GGTA1: variants seen among roughly 807,000 people sequenced by gnomAD.
The protein encoded by GGTA1 is glycoprotein alpha-galactosyltransferase 1 (inactive).
GGTA1 carries 5 observed loss-of-function variants against 2.6 expected under a neutral mutation model. That is an observed-to-expected ratio of 1.92 (90% confidence interval 1.00 to 4.04). The LOEUF (loss-of-function observed/expected upper bound fraction) is 4.04, where lower values mean the gene tolerates loss of function less well. Ranked by LOEUF, GGTA1 falls within the 30% of genes most tolerant of loss-of-function variation. GGTA1 has a pLI of 0.00. For synonymous variants in GGTA1, 17 were observed against 5.0 expected (o/e 3.38, Z -3.19); for missense variants, 50 against 16.7 (o/e 2.99, Z -3.47).
intron 1 of GGTA1, among the ~76,000 whole-genome samples, chr9:121,470,629 T>C (rs765006848): frequency 1.3e-5 from 2 of 152,236 alleles, no homozygotes; most frequent in Non-Finnish European, 2.9e-5. Context: ...GTGAAAGACA[T>C]CAGACCTAAC....
chr9:121,480,061 C>CTTTTCTTTTCTTTTCTTTTTTTTTTTTTT (rs58602847), intron 1 of GGTA1, among the ~76,000 whole-genome samples: 1 of 139,828 alleles, frequency 7.2e-6, no homozygotes, highest in Non-Finnish European at 1.5e-5. Flanking sequence ...CTTTTCTTTT[C>CTTTTCTTTTCTTTTCTTTTTTTTTTTTTT]TTTTTTTTTT....
At chr9:121,459,969 T>C (rs951915562) in intron 5 of GGTA1, 135 bp downstream of exon 5, 3 of 373,258 alleles carry the variant, frequency 8.0e-6, no homozygotes, top group African/African-American at 4.3e-5. Flanking sequence ...ATATGTCTAC[T>C]GTTAAAGGTC....
chr9:121,487,647 C>A (rs1363802423), intron 1 of GGTA1, among the ~76,000 whole-genome samples: 5 of 152,014 alleles, frequency 3.3e-5, no homozygotes, highest in Admixed American at 6.5e-5. Flanking sequence ...TAGCGCCCAC[C>A]CTTGAAAATG....
chr9:121,495,344 G>A (rs1373160708), intron 1 of GGTA1, among the ~76,000 whole-genome samples: 1 of 151,178 alleles, frequency 6.6e-6, no homozygotes, highest in Non-Finnish European at 1.5e-5. Context: ...TCAGGAGTTC[G>A]AGACCAGCCT....
At chr9:121,464,746 A>G (rs2064990082) in intron 2 of GGTA1, among the ~76,000 whole-genome samples, 1 of 152,220 alleles carries the variant, frequency 6.6e-6, no homozygotes, top group Non-Finnish European at 1.5e-5. Context: ...TTTCATCATA[A>G]TTTTGAAGGC....
rs1250578347 is a variant in GGTA1 at position 121,476,824 on chromosome 9, A to G, written c.-9-8893T>C. 6.6e-6 allele frequency among the ~76,000 whole-genome samples: 1 copy of G among 152,084 alleles called. No individual in the cohort carries two copies. The highest frequency in any genetic ancestry group is 1.5e-5 in the Non-Finnish European group (1 of 68,012). On this transcript the variant is annotated intron_variant, in intron 1 of 5. Coordinates refer to ENST00000481799, the MANE Select transcript of GGTA1 (RefSeq NM_001382585.1). This position sits in a 1 kb window ranked among gnomAD's most constrained non-coding sequence, Gnocchi z 4.6. ...TTAGGGTGAGCATGAGAAAGCCCCA[A>G]ATGCTTCCCAGAGGTAGAGTGTTGC...
chr9:121,484,770 C>T (rs2118748178), intron 1 of GGTA1, among the ~76,000 whole-genome samples: 1 of 152,344 alleles, frequency 6.6e-6, no homozygotes, highest in Non-Finnish European at 1.5e-5. Flanking sequence ...CTGAAGTACA[C>T]ACCAAGCTGC....
intron 1 of GGTA1, among the ~76,000 whole-genome samples, chr9:121,495,641 A>C (rs527445048): frequency 6.6e-6 from 1 of 152,194 alleles, no homozygotes; most frequent in South Asian, 2.1e-4. Context: ...CTCCATCAAA[A>C]CTGCTCTCAG....
intron 5 of GGTA1, among the ~76,000 whole-genome samples, chr9:121,457,131 C>A (rs1156536140): frequency 2.0e-5 from 3 of 152,194 alleles, no homozygotes; most frequent in Non-Finnish European, 4.4e-5. Flanking sequence ...ATTGACAGAA[C>A]ATGCTAATGC....
At chr9:121,465,185 T>C (rs1236864982) in intron 2 of GGTA1, among the ~76,000 whole-genome samples, 1 of 152,208 alleles carries the variant, frequency 6.6e-6, no homozygotes, top group Admixed American at 6.5e-5. Flanking sequence ...GGCTGGTATA[T>C]ACATGCACGT....
chr9:121,463,906 A>C (rs189178601), intron 2 of GGTA1, among the ~76,000 whole-genome samples: 1 of 152,222 alleles, frequency 6.6e-6, no homozygotes, highest in East Asian at 1.9e-4. Context: ...GCCATGGCCA[A>C]CTCAGAGCCT....
At chr9:121,490,812 T>G (rs1828857351) in intron 1 of GGTA1, among the ~76,000 whole-genome samples, 1 of 152,214 alleles carries the variant, frequency 6.6e-6, no homozygotes, top group Admixed American at 6.5e-5. Context: ...ACAGGTGTCT[T>G]CTGCCTCAGT....
At chr9:121,461,386 T>C (rs1235393218) in intron 3 of GGTA1, 69 bp from the exon 4 acceptor site, 4 of 422,938 alleles carry the variant, frequency 9.5e-6, no homozygotes, top group Non-Finnish European at 1.8e-5. Context: ...GTTTCCAAAT[T>C]CTTTCTATAG....
intron 2 of GGTA1, among the ~76,000 whole-genome samples, chr9:121,463,798 C>T (rs553795986): frequency 1.3e-5 from 2 of 152,184 alleles, no homozygotes; most frequent in South Asian, 4.2e-4. Flanking sequence ...CTGGTGATGA[C>T]GAAGGCCCTG....
chr9:121,451,116 A>G (rs752828817), downstream of GGTA1, among the ~76,000 whole-genome samples: 8 of 150,812 alleles, frequency 5.3e-5, no homozygotes, highest in Admixed American at 1.3e-4. Context: ...TTTTATTTTG[A>G]AAAAAAAAGG....
At chr9:121,498,723 C>G (rs1397958109) in intron 1 of GGTA1, among the ~76,000 whole-genome samples, 7 of 152,150 alleles carry the variant, frequency 4.6e-5, no homozygotes, top group African/African-American at 1.7e-4. Flanking sequence ...AGAGCAAAGC[C>G]TCAAAACACC....
At chr9:121,496,078 C>T (rs759616224) in intron 1 of GGTA1, among the ~76,000 whole-genome samples, 1 of 152,206 alleles carries the variant, frequency 6.6e-6, no homozygotes, top group Non-Finnish European at 1.5e-5. Context: ...ATTTTCCTTA[C>T]TTCTCTGTTG....
chr9:121,446,118 C>T (rs1351732458), exon 8 of GGTA1: 3 of 152,298 alleles, frequency 2.0e-5, no homozygotes, highest in Non-Finnish European at 4.4e-5. Flanking sequence ...CACACTTCCT[C>T]CCATTCAGTA....
chr9:121,450,361 A>G (rs2064872722), downstream of GGTA1, among the ~76,000 whole-genome samples: 1 of 152,116 alleles, frequency 6.6e-6, no homozygotes, highest in East Asian at 1.9e-4. Flanking sequence ...TACAGGAGAG[A>G]TTCATTTTGA....
Sources: allele counts gnomAD v4.1 joint callset (sites outside exome capture counted in the v4.1 genomes callset), GRCh38; gene constraint gnomAD v4.1.1; non-coding constraint Gnocchi (gnomAD v3.1); transcripts MANE v1.5; gene names NCBI Gene and HGNC (gene_info 2026-07-23, HGNC 2026-07-21).